Variants in ZNF385D observed in about 807,000 individuals in gnomAD.
ZNF385D encodes zinc finger protein 385D.
ZNF385D carries 15 observed loss-of-function variants against 35.8 expected under a neutral mutation model. The ratio of observed to expected loss-of-function variants is 0.42; its 90% CI spans 0.28 to 0.64. ZNF385D has a LOEUF of 0.64. Among genes scored for constraint, ZNF385D ranks in the 30% least tolerant of loss-of-function variants. ZNF385D has a pLI of 0.23. For synonymous variants in ZNF385D, 212 were observed against 186.8 expected, an observed-to-expected ratio of 1.13 and a Z score of -1.10; for missense variants, 474 against 494.6, an observed-to-expected ratio of 0.96 and a Z score of 0.39.
intron 3 of ZNF385D, among the ~76,000 whole-genome samples, chr3:21,766,040 T>C (rs377499163): frequency 1.3e-5 from 2 of 151,932 alleles, no homozygotes; most frequent in African/African-American, 4.8e-5. Context: ...AGCAGCATTG[T>C]GAAGAAAGGA....
At chr3:21,798,736 T>C (rs2072265890) in intron 3 of ZNF385D, among the ~76,000 whole-genome samples, 2 of 152,144 alleles carry the variant, frequency 1.3e-5, no homozygotes, top group South Asian at 2.1e-4. Flanking sequence ...GCTGATCATA[T>C]AAACCATGCA....
At chr3:21,843,434 T>A (rs1239517904) in intron 3 of ZNF385D, among the ~76,000 whole-genome samples, 1 of 151,968 alleles carries the variant, frequency 6.6e-6, no homozygotes, top group African/African-American at 2.4e-5. Context: ...GAGCCTGTTG[T>A]CCACTTTAGA....
intron 2 of ZNF385D, among the ~76,000 whole-genome samples, chr3:21,606,698 C>G (rs1255799658): frequency 1.3e-5 from 2 of 152,216 alleles, no homozygotes; most frequent in African/African-American, 2.4e-5. Context: ...AGGAAGCCAT[C>G]TGCAAGACAG....
chr3:21,979,091 A>C lies in ZNF385D; in HGVS notation c.325+189726T>G, dbSNP rs567705677. 1.9e-3 allele frequency among the ~76,000 whole-genome samples: 290 copies of C among 152,278 alleles called. 1 individual carries two copies. Among genetic ancestry groups the C allele is most frequent in the Non-Finnish European group, 3.9e-3 (265 of 68,016 alleles). ...AAATAGTTGTGACTATCTCCAGTAC[A>C]TGCCAATTTTTTTTCAATGGTGACC... On this transcript the variant is annotated intron_variant, in intron 3 of 5. Transcript: ENST00000494108.
intron 1 of ZNF385D, among the ~76,000 whole-genome samples, chr3:21,719,125 A>G (rs892462129): frequency 2.6e-5 from 4 of 152,222 alleles, no homozygotes; most frequent in African/African-American, 9.6e-5. Flanking sequence ...AGGCAAAGGT[A>G]TATTTCAACC....
chr3:22,103,817 T>C (rs919007445), intron 3 of ZNF385D, among the ~76,000 whole-genome samples: 1 of 151,954 alleles, frequency 6.6e-6, no homozygotes, highest in African/African-American at 2.4e-5. Flanking sequence ...TGCCTTACCA[T>C]AGTTGAGGGG....
intron 3 of ZNF385D, among the ~76,000 whole-genome samples, chr3:21,903,234 C>T (rs962012675): frequency 2.6e-5 from 4 of 152,008 alleles, no homozygotes; most frequent in African/African-American, 4.8e-5. Flanking sequence ...GGGCAGAAAC[C>T]GATCATGAAA....
chr3:22,260,523 AACT>A (rs1700573986), intron 2 of ZNF385D, among the ~76,000 whole-genome samples: 1 of 151,972 alleles, frequency 6.6e-6, no homozygotes, highest in Admixed American at 6.6e-5. Context: ...AAAAAAAGAA[AACT>A]ACATTAGAAT....
At chr3:22,235,681 G>A (rs571980592) in intron 2 of ZNF385D, among the ~76,000 whole-genome samples, 18 of 152,152 alleles carry the variant, frequency 1.2e-4, no homozygotes, top group African/African-American at 4.3e-4. Flanking sequence ...TATATTTGGA[G>A]TCAAAAACTG....
intron 3 of ZNF385D, among the ~76,000 whole-genome samples, chr3:21,997,434 C>T (rs1290410941): frequency 6.6e-6 from 1 of 151,828 alleles, no homozygotes; most frequent in East Asian, 1.9e-4. Context: ...ACCAACATGG[C>T]ACATGTATAC....
At chr3:21,625,638 T>C (rs2065115045) in intron 2 of ZNF385D, among the ~76,000 whole-genome samples, 1 of 152,136 alleles carries the variant, frequency 6.6e-6, no homozygotes, top group Non-Finnish European at 1.5e-5. Flanking sequence ...CAGAACTTAC[T>C]TTTTTGCCAT....
chr3:21,972,483 G>A (rs1430421863), intron 3 of ZNF385D, among the ~76,000 whole-genome samples: 1 of 151,810 alleles, frequency 6.6e-6, no homozygotes, highest in Non-Finnish European at 1.5e-5. Context: ...TAAAAAAAGT[G>A]TTAAAACTTC....
intron 3 of ZNF385D, among the ~76,000 whole-genome samples, chr3:22,027,349 G>A (rs1451458643): frequency 6.6e-6 from 1 of 152,216 alleles, no homozygotes; most frequent in Non-Finnish European, 1.5e-5. Context: ...AACAGCTCCA[G>A]GCTGCTGTGC....
intron 5 of ZNF385D, among the ~76,000 whole-genome samples, chr3:21,430,163 T>C (rs778611197): frequency 5.9e-5 from 9 of 152,108 alleles, no homozygotes; most frequent in Non-Finnish European, 8.8e-5. Context: ...AACTTTGGTT[T>C]ACATTATCAG....
At chr3:22,062,624 G>T (rs1302420769) in intron 3 of ZNF385D, among the ~76,000 whole-genome samples, 1 of 152,024 alleles carries the variant, frequency 6.6e-6, no homozygotes. Context: ...TGACCCCCTC[G>T]CCCCCAAAGA....
At chr3:22,161,235 A>T (rs73048908) in intron 3 of ZNF385D, among the ~76,000 whole-genome samples, 2,789 of 152,146 alleles carry the variant, frequency 0.018, 32 homozygotes, top group Non-Finnish European at 0.028. Flanking sequence ...TGATATACAA[A>T]CATTGTTATA....
At chr3:22,129,781 G>C (rs143141114) in intron 3 of ZNF385D, among the ~76,000 whole-genome samples, 1 of 152,160 alleles carries the variant, frequency 6.6e-6, no homozygotes, top group African/African-American at 2.4e-5. Flanking sequence ...GCTAAAGCCT[G>C]GAAGTAGGGC....
At chr3:21,788,179 TAGAA>T (rs2071780246) in intron 3 of ZNF385D, among the ~76,000 whole-genome samples, 1 of 152,014 alleles carries the variant, frequency 6.6e-6, no homozygotes. Context: ...CGAGTAGAAA[TAGAA>T]AGATAGTAAG....
chr3:22,095,459 G>C (rs187967866), intron 3 of ZNF385D, among the ~76,000 whole-genome samples: 2 of 151,370 alleles, frequency 1.3e-5, no homozygotes, highest in Admixed American at 6.6e-5. Context: ...TTTTATTCTG[G>C]GAAGCATATC....
Sources: gnomAD v4.1 joint callset for allele counts (sites outside exome capture counted in the v4.1 genomes callset) on GRCh38, gnomAD v4.1.1 for gene constraint, MANE v1.5 for transcripts, NCBI Gene and HGNC (gene_info 2026-07-23, HGNC 2026-07-21) for gene names.